The following CHST3 variants were observed in gnomAD, a reference collection of about 807,000 sequenced individuals.
The protein encoded by CHST3 is carbohydrate sulfotransferase 3, also known as C6ST-1.
A neutral mutation model predicts 35.4 loss-of-function variants in CHST3; 20 were observed. That is an observed-to-expected ratio of 0.57 (90% CI 0.40 to 0.82). The LOEUF (loss-of-function observed/expected upper bound fraction) is 0.82, where lower values mean the gene tolerates loss of function less well. CHST3 is among the 40% of genes least tolerant of loss of function. CHST3 has a pLI of 0.00. For missense variants in CHST3, 693 were observed against 670.1 expected (o/e 1.03, Z -0.38); for synonymous variants, 334 against 295.9 (o/e 1.13, Z -1.32).
intron 1 of CHST3, among the ~76,000 whole-genome samples, chr10:71,973,690 A>G (rs1839718160): frequency 1.3e-5 from 2 of 152,194 alleles, no homozygotes; most frequent in Admixed American, 6.5e-5. Flanking sequence ...GCTGGAAGAG[A>G]GGAGAGCTGG....
chr10:71,985,299 G>T (rs149243084), intron 1 of CHST3, among the ~76,000 whole-genome samples: 1 of 152,218 alleles, frequency 6.6e-6, no homozygotes, highest in Non-Finnish European at 1.5e-5. Flanking sequence ...GCTAGTCCCA[G>T]CTCCCCTCCT....
intron 1 of CHST3, among the ~76,000 whole-genome samples, chr10:71,990,573 G>A (rs147335162): frequency 7.0e-4 from 106 of 152,262 alleles, no homozygotes; most frequent in African/African-American, 2.2e-3. Flanking sequence ...ATATTGGTCA[G>A]GCTGGTCTCA....
intron 1 of CHST3, among the ~76,000 whole-genome samples, chr10:71,978,600 A>G (rs1026822965): frequency 6.6e-6 from 1 of 152,226 alleles, no homozygotes; most frequent in Admixed American, 6.5e-5. Context: ...GCATTGTTCT[A>G]GAAGCGCACA....
chr10:71,983,664 T>A lies in CHST3; in HGVS notation c.-108+18970T>A, dbSNP rs565766933. On this transcript the variant is annotated intron_variant, in intron 1 of 2. Transcript: ENST00000373115. ...CGGGGTTTCACCATGTTGTTCAGGC[T>A]GGTCTGGAACTCCTGAACTCAAGTG... is the stretch of plus-strand genomic sequence containing the variant. Among the ~76,000 whole-genome samples the A allele has an allele frequency of 5.3e-5, 8 of 152,320 alleles. No homozygotes were observed. The South Asian group carries it at 1.5e-3, about 28-fold the overall frequency.
At position 71,964,678 on chromosome 10, in the gene CHST3, G is replaced by A. The variant is rs961046182; in HGVS notation, c.-124G>A. 6.6e-6 allele frequency: 1 copy of A among 151,964 alleles called. No individual in the cohort carries two copies. Among genetic ancestry groups the A allele is most frequent in the African/African-American group, 2.4e-5 (1 of 41,408 alleles). 9.4% of individuals were successfully genotyped at this position (151,964 alleles called of 1,614,324 possible). On this transcript the variant is annotated 5_prime_UTR_variant, in exon 1 of 3. Coordinates refer to ENST00000373115, the MANE Select transcript of CHST3 (RefSeq NM_004273.5). Reference sequence around the variant, plus strand: ...CCGCGGAGGGTCGGGGCCGCCGGTGGAGTCTCGGCGGCCGGGGTAAGTGGG... The same window carrying A: ...CCGCGGAGGGTCGGGGCCGCCGGTGAAGTCTCGGCGGCCGGGGTAAGTGGG...
In CHST3 at chr10:71,999,997, A is replaced by G. The variant is rs114511589; in HGVS notation, c.-107-5739A>G. ...TGGAAACAAGAATTCAAGAGACTAA[A>G]GTTATGTGCGGTCCCAAGTGTGAAG... is the stretch of plus-strand genomic sequence containing the variant. On this transcript the variant is annotated intron_variant, in intron 1 of 2. Coordinates refer to ENST00000373115, the MANE Select transcript of CHST3 (RefSeq NM_004273.5). Among the ~76,000 whole-genome samples, 766 of 152,304 alleles carry G rather than the reference A, an allele frequency of 5.0e-3. 6 individuals carry two copies. Among genetic ancestry groups the G allele is most frequent in the African/African-American group, 0.017 (696 of 41,572 alleles).
In CHST3 at chr10:72,007,471, T is replaced by C; in HGVS notation, c.440T>C (p.Phe147Ser). 1 of 1,602,310 alleles carries C rather than the reference T, an allele frequency of 6.2e-7. No individual in the cohort carries two copies. The highest frequency in any genetic ancestry group is 8.5e-7 in the Non-Finnish European group (1 of 1,179,720). Reference sequence around the variant, plus strand: ...GCCACCACGCGCACCGGCTCCTCGTTCGTGGGCGAGTTCTTCAACCAGCAG... The same window carrying C: ...GCCACCACGCGCACCGGCTCCTCGTCCGTGGGCGAGTTCTTCAACCAGCAG... ...LMATTRTGSS[F>S]VGEFFNQQGN... The change falls in exon 3 of 3, where the codon TTC becomes TCC. Residue 147 changes from phenylalanine to serine, a missense_variant. Coordinates refer to ENST00000373115, the MANE Select transcript of CHST3 (RefSeq NM_004273.5).
Position 72,007,331 on chromosome 10 carries a change from G to C in CHST3, c.300G>C (p.Gln100His). Residue 100 changes from glutamine (Q) to histidine (H), a missense_variant, in exon 3 of 3, where the codon CAG becomes CAC. By Grantham distance (24) the Gln-to-His change is conservative. Transcript: ENST00000373115. ...LQSRLRNLSL[Q>H]LGVEPAMEAA... ...GCCGTCTCCGCAACCTCAGCTTGCA[G>C]CTGGGCGTGGAGCCAGCCATGGAGG... 1 of 1,610,792 alleles carries C rather than the reference G, an allele frequency of 6.2e-7. No individual in the cohort carries two copies. The highest frequency in any genetic ancestry group is 1.3e-5 in the African/African-American group (1 of 75,024).
rs535635080 is a variant in CHST3, at chr10:72,011,928, C to T, written c.*3457C>T. The T allele has an allele frequency of 1.7e-4, 26 of 152,254 alleles. No homozygotes were observed. The highest frequency in any genetic ancestry group is 6.3e-4 in the African/African-American group (26 of 41,538). The allele number at this position is 152,254 out of a possible 1,614,324, so 9.4% of individuals were successfully genotyped here. On this transcript the variant is annotated 3_prime_UTR_variant, in exon 3 of 3. Coordinates refer to ENST00000373115, the MANE Select transcript of CHST3 (RefSeq NM_004273.5). ...TCCCCATAGAGAGGGAAAGAGAAGA[C>T]CAGATGTGCATAGAAGCCAGTCTCT... is the stretch of plus-strand genomic sequence containing the variant.
At chr10:71,972,133 A>T (rs879300616) in intron 1 of CHST3, among the ~76,000 whole-genome samples, 2 of 152,088 alleles carry the variant, frequency 1.3e-5, no homozygotes, top group Admixed American at 1.3e-4. Flanking sequence ...GGCTCCGGTT[A>T]TTCCCACCAT....
At chr10:71,986,304 G>T (rs1464917379) in intron 1 of CHST3, among the ~76,000 whole-genome samples, 1 of 152,296 alleles carries the variant, frequency 6.6e-6, no homozygotes, top group Admixed American at 6.5e-5. Context: ...AAGTAATCTT[G>T]ATGCCCAGGC....
chr10:71,980,712 C>T (rs1002624881), intron 1 of CHST3, among the ~76,000 whole-genome samples: 2 of 152,230 alleles, frequency 1.3e-5, no homozygotes, highest in Non-Finnish European at 2.9e-5. Context: ...GAGACCCACC[C>T]TCCTGGGGTG....
rs77124584 is a variant in CHST3, at chr10:72,005,950, C to G, written c.108C>G (p.Val36=). Residue 36 remains valine, a synonymous_variant, in exon 2 of 3, where the codon GTC becomes GTG. Coordinates refer to ENST00000373115, the MANE Select transcript of CHST3 (RefSeq NM_004273.5). The part of the protein sequence containing the change: ...LFLVFVVIVF[V]FIEKENKIIS... ...TGGTTTTTGTGGTGATAGTTTTTGT[C>G]TTCATCGAAAAGGAAAATAAAATCA... 1.2e-3 allele frequency: 1,989 copies of G among 1,613,854 alleles called. 26 individuals are homozygous for G. In the African/African-American group the frequency reaches 0.023, roughly 19 times the overall value.
rs1840035138 is a variant in CHST3, at chr10:72,005,983, G to C, written c.140+1G>C. 1 of 1,610,680 alleles carries C rather than the reference G, an allele frequency of 6.2e-7. No homozygotes were observed. The highest frequency in any genetic ancestry group is 8.5e-7 in the Non-Finnish European group (1 of 1,177,320). ...AAAAGGAAAATAAAATCATATCAAG[G>C]TGAGGGTTGCAAGCCCAAGTCTTCA... is the stretch of plus-strand genomic sequence containing the variant. On this transcript the variant is annotated splice_donor_variant, in intron 2 of 2. Transcript: ENST00000373115. LOFTEE classifies it high-confidence loss of function.
At chr10:71,990,468 A>G (rs968486893) in intron 1 of CHST3, among the ~76,000 whole-genome samples, 2 of 152,106 alleles carry the variant, frequency 1.3e-5, no homozygotes, top group Non-Finnish European at 2.9e-5. Flanking sequence ...CGTTCAAGCA[A>G]TTCTCCTGCC....
intron 1 of CHST3, among the ~76,000 whole-genome samples, chr10:71,984,174 C>T (rs529241491): frequency 6.6e-6 from 1 of 152,328 alleles, no homozygotes; most frequent in African/African-American, 2.4e-5. Flanking sequence ...AGGCATGCGC[C>T]ACCGCACCCA....
rs1840073374 is a variant in CHST3, at chr10:72,008,483, C to A, written c.*12C>A. 2 of 1,504,264 alleles carry A rather than the reference C, an allele frequency of 1.3e-6. No individual in the cohort carries two copies. Among genetic ancestry groups the A allele is most frequent in the South Asian group, 2.6e-5 (2 of 76,878 alleles). The allele number at this position is 1,504,264 out of a possible 1,614,324, so 93.2% of individuals were successfully genotyped here. On this transcript the variant is annotated 3_prime_UTR_variant, in exon 3 of 3. Transcript: ENST00000373115. Reference sequence around the variant, plus strand: ...TCTGGGTCACGTAGGGGGGCCGGGGCCCCGTATGCCCCTCCTCGTGAAAGG... The same window carrying A: ...TCTGGGTCACGTAGGGGGGCCGGGGACCCGTATGCCCCTCCTCGTGAAAGG...
chr10:71,969,314 C>T (rs1033832489), intron 1 of CHST3, among the ~76,000 whole-genome samples: 2 of 152,226 alleles, frequency 1.3e-5, no homozygotes, highest in African/African-American at 4.8e-5. Flanking sequence ...TGCCCAAGGT[C>T]ACGAAGCCAG....
chr10:72,001,761 G>A (rs879268031), intron 1 of CHST3, among the ~76,000 whole-genome samples: 30 of 152,266 alleles, frequency 2.0e-4, no homozygotes, highest in Non-Finnish European at 3.2e-4. Context: ...GTGAACCATC[G>A]TGCCTGGCCG....
Sources: gnomAD v4.1 joint callset for allele counts (sites outside exome capture counted in the v4.1 genomes callset) on GRCh38, gnomAD v4.1.1 for gene constraint, MANE v1.5 for transcripts, NCBI Gene and HGNC (gene_info 2026-07-23, HGNC 2026-07-21) for gene names.